Variants in ADAMTSL1 observed in about 807,000 individuals in gnomAD.
ADAMTSL1 encodes ADAMTS-like protein 1.
ADAMTSL1 carries 126 observed loss-of-function variants against 201.8 expected under a neutral mutation model. The ratio of observed to expected loss-of-function variants is 0.62; its 90% CI spans 0.54 to 0.72. ADAMTSL1 has a LOEUF of 0.72. ADAMTSL1 is among the 30% of genes least tolerant of loss of function. ADAMTSL1 has a pLI of 0.00. For missense variants in ADAMTSL1, 2,679 were observed against 2,277.8 expected (o/e 1.18, Z -3.59); for synonymous variants, 1,121 against 903.4 (o/e 1.24, Z -4.32).
intron 2 of ADAMTSL1, among the ~76,000 whole-genome samples, chr9:18,258,019 A>G (rs1192992989): frequency 6.6e-6 from 1 of 152,210 alleles, no homozygotes; most frequent in East Asian, 1.9e-4. Context: ...GGATGATGAA[A>G]AAGTTTTTGG....
At chr9:17,913,932 A>G (rs1343751834) in intron 1 of ADAMTSL1, among the ~76,000 whole-genome samples, 4 of 151,284 alleles carry the variant, frequency 2.6e-5, no homozygotes, top group Admixed American at 6.6e-5. Flanking sequence ...AGAAATGGAT[A>G]AATTCCTCGA....
chr9:18,886,964 C>A (rs1364729313), intron 23 of ADAMTSL1, among the ~76,000 whole-genome samples: 1 of 152,198 alleles, frequency 6.6e-6, no homozygotes, highest in South Asian at 2.1e-4. Flanking sequence ...CTTAACTGTC[C>A]CCAGAGCAGT....
At chr9:18,625,142 G>C (rs1369073392) in intron 5 of ADAMTSL1, among the ~76,000 whole-genome samples, 4 of 152,192 alleles carry the variant, frequency 2.6e-5, no homozygotes, top group African/African-American at 7.2e-5. Context: ...TCCACACCTG[G>C]AGGAGTCCTG....
chr9:18,790,618 C>CAAA (rs1821972801), intron 19 of ADAMTSL1, among the ~76,000 whole-genome samples: 1 of 152,080 alleles, frequency 6.6e-6, no homozygotes, highest in Non-Finnish European at 1.5e-5. Flanking sequence ...ATATCTTATT[C>CAAA]TCATGCATGA....
At chr9:18,284,427 A>G (rs1408371177) in intron 2 of ADAMTSL1, among the ~76,000 whole-genome samples, 1 of 152,136 alleles carries the variant, frequency 6.6e-6, no homozygotes, top group Non-Finnish European at 1.5e-5. Flanking sequence ...ATTTAATATT[A>G]TATCATATAC....
At chr9:18,230,335 G>A (rs1456675037) in intron 2 of ADAMTSL1, among the ~76,000 whole-genome samples, 2 of 152,134 alleles carry the variant, frequency 1.3e-5, no homozygotes, top group African/African-American at 2.4e-5. Flanking sequence ...AAGCCTGGAA[G>A]TTTTAGGGAA....
intron 2 of ADAMTSL1, among the ~76,000 whole-genome samples, chr9:18,521,727 T>A (rs1257568075): frequency 1.3e-5 from 2 of 152,178 alleles, no homozygotes; most frequent in Admixed American, 1.3e-4. Context: ...TTCATTGTAA[T>A]TTTTGTTTAT....
chr9:18,351,567 C>A (rs1183786267), intron 2 of ADAMTSL1, among the ~76,000 whole-genome samples: 1 of 151,952 alleles, frequency 6.6e-6, no homozygotes, highest in Non-Finnish European at 1.5e-5. Context: ...GCACATAATT[C>A]TTTAAAAATA....
intron 19 of ADAMTSL1, among the ~76,000 whole-genome samples, chr9:18,790,101 A>C (rs1821936637): frequency 6.6e-6 from 1 of 152,234 alleles, no homozygotes; most frequent in Non-Finnish European, 1.5e-5. Flanking sequence ...CATCAAAAAA[A>C]AATCATTTAT....
chr9:18,479,914 G>A (rs193204164), intron 1 of ADAMTSL1, among the ~76,000 whole-genome samples: 11 of 152,276 alleles, frequency 7.2e-5, no homozygotes, highest in Admixed American at 6.5e-4. Context: ...AGTCATCAAC[G>A]CTAAGAAACG....
chr9:18,574,620 T>TGTG, intron 4 of ADAMTSL1: 19 of 380,826 alleles, frequency 5.0e-5, no homozygotes, highest in East Asian at 1.2e-4. Context: ...TGTGTGTGTA[T>TGTG]TTAGAGACTG....
chr9:18,361,474 C>T (rs1836516078), intron 2 of ADAMTSL1, among the ~76,000 whole-genome samples: 1 of 152,136 alleles, frequency 6.6e-6, no homozygotes, highest in East Asian at 1.9e-4. Flanking sequence ...GTCTTTATGG[C>T]TGCAGGCTTT....
chr9:18,653,129 A>G (rs1269820950), intron 7 of ADAMTSL1, among the ~76,000 whole-genome samples: 2 of 152,202 alleles, frequency 1.3e-5, no homozygotes, highest in East Asian at 3.9e-4. Flanking sequence ...GTTAGATTTC[A>G]CACATTATTT....
intron 14 of ADAMTSL1, chr9:18,718,633 G>A (rs1339852551): frequency 1.1e-5 from 4 of 361,778 alleles, no homozygotes; most frequent in South Asian, 4.3e-5. Flanking sequence ...CAGTCCTGCC[G>A]CTGCCGCCGC....
chr9:18,158,101 C>G (rs974156365), intron 1 of ADAMTSL1, among the ~76,000 whole-genome samples: 1 of 151,942 alleles, frequency 6.6e-6, no homozygotes, highest in Non-Finnish European at 1.5e-5. Flanking sequence ...CTCCTGCTCT[C>G]TGTATAAATG....
At chr9:18,164,810 C>A (rs1051752514) in intron 2 of ADAMTSL1, among the ~76,000 whole-genome samples, 7 of 151,920 alleles carry the variant, frequency 4.6e-5, no homozygotes, top group Admixed American at 3.9e-4. Flanking sequence ...CTCTTGACTG[C>A]CCTCTCTCAA....
At chr9:18,515,451 C>T (rs1818311751) in intron 2 of ADAMTSL1, among the ~76,000 whole-genome samples, 2 of 152,164 alleles carry the variant, frequency 1.3e-5, no homozygotes, top group African/African-American at 4.8e-5. Flanking sequence ...CCTCCTATCT[C>T]AGCCTCCCGA....
intron 7 of ADAMTSL1, among the ~76,000 whole-genome samples, chr9:18,641,765 T>G (rs1447161824): frequency 6.6e-6 from 1 of 151,994 alleles, no homozygotes; most frequent in African/African-American, 2.4e-5. Flanking sequence ...CTAATTTTCC[T>G]CAGAGAAATA....
At chr9:18,257,798 T>C (rs1831747733) in intron 2 of ADAMTSL1, among the ~76,000 whole-genome samples, 2 of 152,184 alleles carry the variant, frequency 1.3e-5, no homozygotes, top group Admixed American at 1.3e-4. Context: ...TAAAATATTA[T>C]TTGGTCATAA....
Sources: allele counts gnomAD v4.1 joint callset (sites outside exome capture counted in the v4.1 genomes callset), GRCh38; gene constraint gnomAD v4.1.1; transcripts MANE v1.5; gene names NCBI Gene and HGNC (gene_info 2026-07-23, HGNC 2026-07-21).